Variants in COL18A1 observed in about 807,000 individuals in gnomAD.
COL18A1 encodes the protein collagen alpha-1(XVIII) chain.
In COL18A1, 133 loss-of-function variants were observed where a neutral mutation model predicts 168.0. The ratio of observed to expected loss-of-function variants is 0.79; its 90% CI spans 0.69 to 0.91. COL18A1 has a LOEUF of 0.91. COL18A1 is among the 40% of genes least tolerant of loss of function. COL18A1 has a pLI of 0.00. For synonymous variants in COL18A1, 949 were observed against 809.0 expected (o/e 1.17, Z -2.94); for missense variants, 2,126 against 1,925.4 (o/e 1.10, Z -1.95).
At chr21:45,470,425 C>CTTTTTTTTT (rs1195744330) in intron 3 of COL18A1, among the ~76,000 whole-genome samples, 37 of 37,102 alleles carry the variant, frequency 1.0e-3, no homozygotes, top group East Asian at 1.6e-3. Context: ...TTTACCTTGT[C>CTTTTTTTTT]TTTTTTTTTT....
chr21:45,450,581 C>G (rs924931389), intron 2 of COL18A1, among the ~76,000 whole-genome samples: 1 of 152,210 alleles, frequency 6.6e-6, no homozygotes, highest in South Asian at 2.1e-4. Flanking sequence ...AAAGACCACA[C>G]TATTTAGGAA....
intron 2 of COL18A1, among the ~76,000 whole-genome samples, chr21:45,442,931 TGGTGCTGGTGTGGGCAGC>T (rs1374018531): frequency 6.2e-5 from 6 of 96,322 alleles, no homozygotes; most frequent in Middle Eastern, 6.8e-3. Flanking sequence ...TGGGCGGTGG[TGGTGCTGGTGTGGGCAGC>T]GGTGCTGATG....
At chr21:45,474,073 A>C in intron 4 of COL18A1, 92 bp downstream of exon 4, 1 of 982,822 alleles carries the variant, frequency 1.0e-6, no homozygotes. Context: ...AAGTCCCAAA[A>C]TATACCACTT....
chr21:45,487,268 G>C (rs2036147853), intron 16 of COL18A1, among the ~76,000 whole-genome samples, 179 bp from the exon 17 acceptor site: 1 of 152,104 alleles, frequency 6.6e-6, no homozygotes, highest in African/African-American at 2.4e-5. Context: ...GGCTGCCCCG[G>C]GGGGGCTCCA....
At chr21:45,505,045 G>T in intron 34 of COL18A1, 89 bp from the exon 35 acceptor site, 4 of 1,518,916 alleles carry the variant, frequency 2.6e-6, no homozygotes, top group South Asian at 1.2e-5. Context: ...CTCGCCAAGG[G>T]GGTCTTGGCA....
At position 45,419,244 on chromosome 21, in the gene COL18A1, C is replaced by T. The variant is rs556030953; in HGVS notation, c.106+13771C>T. 5.9e-5 allele frequency among the ~76,000 whole-genome samples: 9 copies of T among 151,752 alleles called. No homozygotes were observed. The South Asian group carries it at 1.3e-3, about 21-fold the overall frequency. Reference sequence around the variant, plus strand: ...GCAGTTCCGTGTAGTGACGTGATGCCGTGTGTGGTGACATGCAGTTCCGTG... The same window carrying T: ...GCAGTTCCGTGTAGTGACGTGATGCTGTGTGTGGTGACATGCAGTTCCGTG... On this transcript the variant is annotated intron_variant, in intron 2 of 41. Transcript: ENST00000651438.
rs146284495 is a variant in COL18A1 at position 45,423,317 on chromosome 21, G to A, written c.106+17844G>A. On this transcript the variant is annotated intron_variant, in intron 2 of 41. Transcript: ENST00000651438. The surrounding 1 kb of genome is among the most constrained non-coding windows in gnomAD (Gnocchi z 4.0). ...GTGTTGGCTGGTCCACTTCCTGAGCGTTGGCCAGCTGCCCTTGCTGTGCTG... is the reference window on the plus strand; with the variant it reads ...GTGTTGGCTGGTCCACTTCCTGAGCATTGGCCAGCTGCCCTTGCTGTGCTG... 7.7e-4 allele frequency among the ~76,000 whole-genome samples: 118 copies of A among 152,318 alleles called. No individual in the cohort carries two copies. The highest frequency in any genetic ancestry group is 2.7e-3 in the African/African-American group (111 of 41,574).
chr21:45,437,107 A>ACACACACT (rs1555972208), intron 2 of COL18A1, among the ~76,000 whole-genome samples: 5,636 of 103,552 alleles, frequency 0.054, 502 homozygotes, highest in African/African-American at 0.19. Context: ...TCTCCTGCAC[A>ACACACACT]CACACTCACA....
chr21:45,472,730 T>C (rs1352499952), intron 3 of COL18A1, among the ~76,000 whole-genome samples: 1 of 152,164 alleles, frequency 6.6e-6, no homozygotes, highest in Non-Finnish European at 1.5e-5. Context: ...GCTGGTGCGC[T>C]CTGTGAGGCT....
intron 2 of COL18A1, among the ~76,000 whole-genome samples, chr21:45,462,390 C>T (rs1393909271): frequency 6.6e-6 from 1 of 152,180 alleles, no homozygotes; most frequent in Non-Finnish European, 1.5e-5. Flanking sequence ...GCTTCCACGG[C>T]ATGCATGCTT....
chr21:45,490,548 C>CCA (rs1275681781), intron 20 of COL18A1, among the ~76,000 whole-genome samples: 2,622 of 131,432 alleles, frequency 0.02, 20 homozygotes, highest in Middle Eastern at 0.035. Flanking sequence ...CTCCGTGTGC[C>CCA]CTCCTGGGTC....
intron 20 of COL18A1, 88 bp downstream of exon 20, chr21:45,490,434 C>T: frequency 8.5e-7 from 1 of 1,178,704 alleles, no homozygotes; most frequent in Non-Finnish European, 1.2e-6. Flanking sequence ...CGAGATGTGC[C>T]CTCCCGGGTC....
At chr21:45,470,225 G>T (rs2035361918) in intron 3 of COL18A1, among the ~76,000 whole-genome samples, 1 of 147,072 alleles carries the variant, frequency 6.8e-6, no homozygotes, top group Non-Finnish European at 1.5e-5. Flanking sequence ...GGACTGTGAA[G>T]ATAGACTTTC....
intron 2 of COL18A1, among the ~76,000 whole-genome samples, chr21:45,441,622 T>C (rs1192862642): frequency 6.6e-6 from 1 of 152,218 alleles, no homozygotes; most frequent in Non-Finnish European, 1.5e-5. Context: ...CTGCCATCTC[T>C]GCTTCACCAG....
chr21:45,456,895 C>A (rs1181297509), intron 2 of COL18A1: 14 of 1,423,960 alleles, frequency 9.8e-6, no homozygotes, highest in Non-Finnish European at 1.1e-5. Context: ...ACTGGCCGGC[C>A]CCGATCTCCC....
In COL18A1 at chr21:45,476,498, TGTG is replaced by T. The variant is rs1292687635; in HGVS notation, c.928+22_928+24del. ...GTTAGGAGGTAAGCTCTTTTCTGGA[TGTG>T]GTGTGTGTGTGGTGTGGGGTGTGTG... On this transcript the variant is annotated intron_variant, in intron 6 of 41. Coordinates refer to ENST00000651438, the MANE Select transcript of COL18A1 (RefSeq NM_001379500.1). 3.8e-6 allele frequency: 6 copies of T among 1,581,766 alleles called. No homozygotes were observed. Among genetic ancestry groups the T allele is most frequent in the Non-Finnish European group, 3.4e-6 (4 of 1,163,256 alleles).
intron 2 of COL18A1, among the ~76,000 whole-genome samples, chr21:45,447,931 CA>C (rs2145832194): frequency 6.6e-6 from 1 of 152,264 alleles, no homozygotes; most frequent in African/African-American, 2.4e-5. Context: ...AAGACAGAGG[CA>C]GCGTCTTCTG....
intron 32 of COL18A1, among the ~76,000 whole-genome samples, chr21:45,503,765 A>G (rs2037008342): frequency 2.0e-5 from 3 of 152,140 alleles, no homozygotes; most frequent in South Asian, 4.1e-4. Flanking sequence ...ATGCACATGT[A>G]CCCTAAAACT....
chr21:45,503,674 A>T (rs965792907), intron 32 of COL18A1, among the ~76,000 whole-genome samples: 1 of 150,534 alleles, frequency 6.6e-6, no homozygotes, highest in African/African-American at 2.4e-5. Context: ...ATTGGGAGAT[A>T]TACCTAATGC....
Sources: allele counts gnomAD v4.1 joint callset (sites outside exome capture counted in the v4.1 genomes callset), GRCh38; gene constraint gnomAD v4.1.1; non-coding constraint Gnocchi (gnomAD v3.1); transcripts MANE v1.5; gene names NCBI Gene and HGNC (gene_info 2026-07-23, HGNC 2026-07-21).